Variants in RTL4 observed in about 807,000 individuals in gnomAD.
The protein encoded by RTL4 is retrotransposon Gag like 4, also known as retrotransposon Gag-like protein 4.
RTL4 carries 4 observed loss-of-function variants against 5.3 expected under a neutral mutation model. The ratio of observed to expected loss-of-function variants is 0.75; its 90% confidence interval spans 0.37 to 1.72. The LOEUF (loss-of-function observed/expected upper bound fraction) is 1.72. Ranked by LOEUF, RTL4 falls within the 40% of genes most tolerant of loss-of-function variation. RTL4 has a pLI of 0.04. For missense variants in RTL4, 260 were observed against 227.1 expected (o/e 1.14, Z -0.93); for synonymous variants, 98 against 87.3 (o/e 1.12, Z -0.68).
At chrX:112,250,082 C>T in the RTL4 span, among the ~76,000 whole-genome samples, 4 of 109,750 alleles carry the variant, frequency 3.6e-5, no homozygotes, top group East Asian at 5.8e-4. Flanking sequence ...CGAGACCATC[C>T]TGGCTAACAC....
the RTL4 span, among the ~76,000 whole-genome samples, chrX:112,185,439 T>C: frequency 1.3e-4 from 13 of 103,557 alleles, no homozygotes; most frequent in Middle Eastern, 4.6e-3. Flanking sequence ...AGATAGATGA[T>C]AGGACTGATA....
the RTL4 span, among the ~76,000 whole-genome samples, chrX:112,152,141 C>T: frequency 9.0e-6 from 1 of 111,390 alleles, no homozygotes; most frequent in African/African-American, 3.3e-5. Context: ...CTAGGAGGAA[C>T]AAGCAAAACA....
At chrX:112,176,303 G>A in the RTL4 span, among the ~76,000 whole-genome samples, 4 of 112,032 alleles carry the variant, frequency 3.6e-5, no homozygotes, top group Non-Finnish European at 7.5e-5. Context: ...TACTGCCCAA[G>A]GTAATTTATA....
At position 112,454,900 on chromosome X, in the gene RTL4, C is replaced by T. The variant is rs183504232; in HGVS notation, c.172C>T (p.Leu58Phe). Residue 58 changes from leucine (L) to phenylalanine (F), a missense_variant, in exon 1 of 1, where the codon CTT (leucine) becomes TTT (phenylalanine). By Grantham distance (22) the Leu-to-Phe change is conservative. Transcript: ENST00000340433. ...CACAGTGATGCCTGTACCATACTCA[C>T]TTGAGCATCTCACCCAGTTTCATGG... The T allele has an allele frequency of 4.5e-5, 54 of 1,208,699 alleles. No individual in the cohort carries two copies. The Admixed American group carries it at 7.9e-4, about 18-fold the overall frequency.
At chrX:112,225,329 T>C in the RTL4 span, among the ~76,000 whole-genome samples, 1 of 112,114 alleles carries the variant, frequency 8.9e-6, no homozygotes, top group Non-Finnish European at 1.9e-5. Flanking sequence ...GAGAGGAGGA[T>C]GGCTGGGTGA....
upstream of RTL4, among the ~76,000 whole-genome samples, chrX:112,449,504 G>C (rs1025706465): frequency 1.6e-4 from 18 of 112,059 alleles, no homozygotes; most frequent in African/African-American, 5.8e-4. Flanking sequence ...TTTCTTGAAA[G>C]TGTCATCAAG....
At chrX:112,083,565 A>G in the RTL4 span, among the ~76,000 whole-genome samples, 2 of 111,443 alleles carry the variant, frequency 1.8e-5, no homozygotes, top group Admixed American at 9.4e-5. Context: ...CCTCTCACCC[A>G]TAGGGTCGAT....
the RTL4 span, among the ~76,000 whole-genome samples, chrX:112,183,236 T>C: frequency 1.8e-5 from 2 of 112,083 alleles, no homozygotes; most frequent in African/African-American, 3.2e-5. Flanking sequence ...CCATTGACAC[T>C]ATGAAGAAAC....
chrX:112,106,824 G>A, the RTL4 span, among the ~76,000 whole-genome samples: 4 of 111,767 alleles, frequency 3.6e-5, no homozygotes, highest in African/African-American at 1.3e-4. Context: ...TTTGAGAAAT[G>A]TCTTTTCTGG....
At chrX:112,244,152 C>G in the RTL4 span, among the ~76,000 whole-genome samples, 1,940 of 111,884 alleles carry the variant, frequency 0.017, 44 homozygotes, top group African/African-American at 0.06. Context: ...TGATGTGGTG[C>G]TGAGAAGAAT....
the RTL4 span, among the ~76,000 whole-genome samples, chrX:112,297,400 C>T: frequency 5.4e-5 from 6 of 111,198 alleles, no homozygotes; most frequent in African/African-American, 9.8e-5. Context: ...TGGCAGAAGG[C>T]GAAGAGGAAG....
the RTL4 span, among the ~76,000 whole-genome samples, chrX:112,246,763 C>T: frequency 9.0e-6 from 1 of 111,345 alleles, no homozygotes; most frequent in Non-Finnish European, 1.9e-5. Context: ...GAACCAGGTA[C>T]CTCAGCTGGA....
At chrX:112,346,403 G>C in the RTL4 span, among the ~76,000 whole-genome samples, 1 of 111,304 alleles carries the variant, frequency 9.0e-6, no homozygotes, top group African/African-American at 3.3e-5. Context: ...CCAATGATGA[G>C]GGAAGGGCAT....
the RTL4 span, among the ~76,000 whole-genome samples, chrX:112,352,562 C>A: frequency 9.0e-6 from 1 of 110,898 alleles, no homozygotes; most frequent in Admixed American, 9.6e-5. Context: ...ACAAACCTGA[C>A]AAAAACAAGA....
the RTL4 span, among the ~76,000 whole-genome samples, chrX:112,133,844 T>A: frequency 4.5e-5 from 5 of 112,311 alleles, no homozygotes; most frequent in Non-Finnish European, 9.4e-5. Context: ...TTCTCATTAT[T>A]GATCTATATA....
chrX:112,137,615 A>C, the RTL4 span, among the ~76,000 whole-genome samples: 2 of 111,856 alleles, frequency 1.8e-5, no homozygotes, highest in Non-Finnish European at 3.8e-5. Context: ...TGGAGATTAC[A>C]GGTCCCTCCC....
chrX:112,455,699 C>A, exon 1 of RTL4: 1 of 1,124,902 alleles, frequency 8.9e-7, no homozygotes, highest in Non-Finnish European at 1.2e-6. Flanking sequence ...ACTTACATCC[C>A]AGCCTTACTG....
the RTL4 span, among the ~76,000 whole-genome samples, chrX:112,140,099 T>C: frequency 8.9e-6 from 1 of 112,358 alleles, no homozygotes; most frequent in Non-Finnish European, 1.9e-5. Context: ...TATTATTATA[T>C]AGTTTATTGC....
At chrX:112,268,036 G>C in the RTL4 span, among the ~76,000 whole-genome samples, 2 of 110,966 alleles carry the variant, frequency 1.8e-5, no homozygotes, top group Non-Finnish European at 3.8e-5. Flanking sequence ...GCCAAGTCAT[G>C]TCACCCCTCT....
Sources: gnomAD v4.1 joint callset for allele counts (sites outside exome capture counted in the v4.1 genomes callset) on GRCh38, gnomAD v4.1.1 for gene constraint, MANE v1.5 for transcripts, NCBI Gene and HGNC (gene_info 2026-07-23, HGNC 2026-07-21) for gene names.